GRID1: variants seen among roughly 807,000 people sequenced by gnomAD.
GRID1 encodes the protein glutamate ionotropic receptor delta type subunit 1.
Under a neutral mutation model 98.0 loss-of-function variants are expected in GRID1, and 28 were observed. That is an observed-to-expected ratio of 0.29 (90% CI 0.21 to 0.39). The LOEUF is 0.39. Ranked by LOEUF, GRID1 falls within the 10% of genes least tolerant of loss-of-function variation. The pLI is 1.00. For missense variants in GRID1, 1,111 were observed against 1,340.5 expected, an observed-to-expected ratio of 0.83 and a Z score of 2.67; for synonymous variants, 553 against 538.5, an observed-to-expected ratio of 1.03 and a Z score of -0.37.
intron 3 of GRID1, among the ~76,000 whole-genome samples, chr10:86,149,671 C>T (rs1225367448): frequency 6.6e-6 from 1 of 152,234 alleles, no homozygotes. Context: ...GCATTAAGTG[C>T]TTTGAATTAA....
chr10:86,036,198 C>T (rs1472139118), intron 4 of GRID1, among the ~76,000 whole-genome samples: 4 of 152,154 alleles, frequency 2.6e-5, no homozygotes, highest in East Asian at 1.9e-4. Context: ...TGGGTGGCTA[C>T]GACAAGGGAC....
Position 85,724,448 on chromosome 10 carries a change from C to T in GRID1, c.1762G>A (p.Ala588Thr), listed in dbSNP as rs752842847. ...VLIFVLNRIQ[A>T]VRAQSAAQPR... ...TGGGCAGCACTCTGAGCCCTCACAG[C>T]CTGTATCCTGTTCAACACAAATATC... is the stretch of plus-strand genomic sequence containing the variant. The change falls in exon 11 of 16, where the codon GCT becomes ACT. Residue 588 changes from alanine (A) to threonine (T), a missense_variant. By Grantham distance (58) the Ala-to-Thr change is moderately conservative (BLOSUM62 0). Coordinates refer to ENST00000327946, the MANE Select transcript of GRID1 (RefSeq NM_017551.3). 5 of 1,614,106 alleles carry T rather than the reference C, an allele frequency of 3.1e-6. No homozygotes were observed. In the South Asian group the frequency reaches 5.5e-5, roughly 18 times the overall value.
intron 4 of GRID1, among the ~76,000 whole-genome samples, chr10:86,086,178 C>A (rs1250030907): frequency 6.6e-6 from 1 of 152,130 alleles, no homozygotes; most frequent in Non-Finnish European, 1.5e-5. Context: ...CTTCCTGCCA[C>A]AGAACTCACC....
At chr10:86,265,903 C>G (rs771193466) in intron 2 of GRID1, among the ~76,000 whole-genome samples, 1 of 152,162 alleles carries the variant, frequency 6.6e-6, no homozygotes, top group African/African-American at 2.4e-5. Flanking sequence ...AGCAGCCCAG[C>G]CTCCCATACT....
At chr10:85,628,845 A>G (rs1842941043) in intron 13 of GRID1, among the ~76,000 whole-genome samples, 1 of 152,202 alleles carries the variant, frequency 6.6e-6, no homozygotes, top group Admixed American at 6.5e-5. Flanking sequence ...CAGAGTGAAT[A>G]GAATGGGAGT....
At chr10:85,649,393 A>G (rs1843236930) in intron 12 of GRID1, among the ~76,000 whole-genome samples, 1 of 152,206 alleles carries the variant, frequency 6.6e-6, no homozygotes, top group South Asian at 2.1e-4. Context: ...ATTGTTCATT[A>G]TTTATATCTA....
intron 2 of GRID1, among the ~76,000 whole-genome samples, chr10:86,306,129 T>C (rs967704172): frequency 3.9e-5 from 6 of 152,190 alleles, no homozygotes; most frequent in Non-Finnish European, 7.4e-5. Context: ...GATCGTTCCA[T>C]CAAAACCCTT....
intron 4 of GRID1, among the ~76,000 whole-genome samples, chr10:86,111,399 C>T (rs185752509): frequency 1.3e-5 from 2 of 152,290 alleles, no homozygotes; most frequent in Non-Finnish European, 2.9e-5. Flanking sequence ...AAAGACCTCC[C>T]CCTGGCCTGG....
intron 3 of GRID1, among the ~76,000 whole-genome samples, chr10:86,169,559 C>A (rs1244379271): frequency 6.6e-6 from 1 of 152,144 alleles, no homozygotes; most frequent in African/African-American, 2.4e-5. Context: ...GGGTGGGAAC[C>A]AAAGCCTGAA....
intron 13 of GRID1, among the ~76,000 whole-genome samples, chr10:85,641,423 G>A (rs1837736116): frequency 6.6e-6 from 1 of 152,314 alleles, no homozygotes; most frequent in Admixed American, 6.5e-5. Context: ...TGGAAGTCAG[G>A]CATATATCTT....
At chr10:86,295,724 A>G (rs981465322) in intron 2 of GRID1, among the ~76,000 whole-genome samples, 1 of 152,148 alleles carries the variant, frequency 6.6e-6, no homozygotes, top group Non-Finnish European at 1.5e-5. Flanking sequence ...ACTGCAGTTC[A>G]TACCTGAGCT....
intron 4 of GRID1, among the ~76,000 whole-genome samples, chr10:86,104,882 A>T (rs1844357715): frequency 1.3e-5 from 2 of 152,164 alleles, no homozygotes; most frequent in African/African-American, 4.8e-5. Flanking sequence ...GCGACAGCGG[A>T]CAGGGGGGCA....
intron 4 of GRID1, among the ~76,000 whole-genome samples, chr10:86,126,669 C>T (rs888544841): frequency 6.6e-6 from 1 of 152,202 alleles, no homozygotes; most frequent in African/African-American, 2.4e-5. Flanking sequence ...CTGCCACAGG[C>T]AGAGTTGGCC....
intron 8 of GRID1, among the ~76,000 whole-genome samples, chr10:85,819,471 A>T (rs1354028317): frequency 6.6e-6 from 1 of 152,220 alleles, no homozygotes; most frequent in Admixed American, 6.5e-5. Context: ...TAGTAACTTT[A>T]CATTGGGGAA....
At chr10:85,852,281 T>C (rs528383319) in intron 8 of GRID1, among the ~76,000 whole-genome samples, 261 of 152,332 alleles carry the variant, frequency 1.7e-3, no homozygotes, top group Middle Eastern at 3.4e-3. Flanking sequence ...TCCAACTCAA[T>C]TACATTCAGG....
chr10:85,929,221 T>C (rs76732550), intron 4 of GRID1, among the ~76,000 whole-genome samples: 5,955 of 152,270 alleles, frequency 0.039, 382 homozygotes, highest in African/African-American at 0.14. Flanking sequence ...GCCCATTGTG[T>C]GCAAGGCCAG....
chr10:86,053,076 AG>A (rs1211224297), intron 4 of GRID1, among the ~76,000 whole-genome samples: 1 of 152,244 alleles, frequency 6.6e-6, no homozygotes, highest in African/African-American at 2.4e-5. Context: ...TTTATGCTGC[AG>A]CATATTTAGT....
At chr10:86,122,471 G>C (rs536927656) in intron 4 of GRID1, among the ~76,000 whole-genome samples, 1 of 152,220 alleles carries the variant, frequency 6.6e-6, no homozygotes, top group South Asian at 2.1e-4. Context: ...CCCCTTATGC[G>C]TAGGAAGAAA....
intron 2 of GRID1, among the ~76,000 whole-genome samples, chr10:86,303,872 A>T (rs1311910794): frequency 6.6e-6 from 1 of 152,214 alleles, no homozygotes; most frequent in Non-Finnish European, 1.5e-5. Flanking sequence ...ACACCCTCTA[A>T]GATCTGCCTC....
Sources: allele counts gnomAD v4.1 joint callset (sites outside exome capture counted in the v4.1 genomes callset), GRCh38; gene constraint gnomAD v4.1.1; transcripts MANE v1.5; gene names NCBI Gene and HGNC (gene_info 2026-07-23, HGNC 2026-07-21).